Variants in HERC2 observed in about 807,000 individuals in gnomAD.
HERC2 encodes the protein HECT and RLD domain containing E3 ubiquitin protein ligase 2.
In HERC2, 102 loss-of-function variants were observed where a neutral mutation model predicts 537.7. That is an observed-to-expected ratio of 0.19 (90% CI 0.16 to 0.22). The LOEUF (loss-of-function observed/expected upper bound fraction) is 0.22. Ranked by LOEUF, HERC2 falls within the 10% of genes least tolerant of loss-of-function variation. The pLI is 1.00. For synonymous variants in HERC2, 2,224 were observed against 2,466.2 expected, an observed-to-expected ratio of 0.90 and a Z score of 2.91; for missense variants, 4,236 against 6,198.2, an observed-to-expected ratio of 0.68 and a Z score of 10.63.
rs752780957 is a variant in HERC2 at position 28,260,884 on chromosome 15, C to T, written c.2209G>A (p.Asp737Asn). The T allele has an allele frequency of 1.9e-6, 3 of 1,614,200 alleles. No homozygotes were observed. The highest frequency in any genetic ancestry group is 1.7e-5 in the Admixed American group (1 of 60,030). ...AAGGTGTCAAAGTGCTGGCACTGGT[C>T]GTTGCTCCCCCAGCTGTGGACCTCG... ...DSEVHSWGSN[D>N]QCQHFDTLRV... The change falls in exon 16 of 93, where the codon GAC becomes AAC. Residue 737 changes from aspartate to asparagine, a missense_variant. This residue lies in a region of HERC2 where 754 missense variants were observed against 1,085.0 expected (regional missense o/e 0.69). Transcript: ENST00000261609.
chr15:28,218,542 G>A lies in HERC2; in HGVS notation c.5975C>T (p.Thr1992Ile). 1 of 1,597,822 alleles carries A rather than the reference G, an allele frequency of 6.3e-7. No individual in the cohort carries two copies. The highest frequency in any genetic ancestry group is 2.2e-5 in the East Asian group (1 of 44,874). Residue 1992 changes from threonine (T) to isoleucine (I), a missense_variant, in exon 38 of 93, where the codon ACT becomes ATT. Physicochemically the swap from Thr to Ile is moderately conservative, Grantham distance 89. This residue lies in a region of HERC2 where 365 missense variants were observed against 468.8 expected (regional missense o/e 0.78). Coordinates refer to ENST00000261609, the MANE Select transcript of HERC2 (RefSeq NM_004667.6). Reference sequence around the variant, plus strand: ...TAACATTCGCAGCAGTCCGCATAAAGTCTTGGTGGCTTCGCTCTGCATGAT... The same window carrying A: ...TAACATTCGCAGCAGTCCGCATAAAATCTTGGTGGCTTCGCTCTGCATGAT... ...AEIMQSEATK[T>I]LCGLLRMLVE...
intron 21 of HERC2, among the ~76,000 whole-genome samples, chr15:28,247,202 C>T (rs1490044312): frequency 6.6e-6 from 1 of 151,854 alleles, no homozygotes; most frequent in Non-Finnish European, 1.5e-5. Flanking sequence ...CACCATGTTG[C>T]CCAGATTGGA....
chr15:28,175,402 C>A (rs1895174883), intron 64 of HERC2, 110 bp downstream of exon 64: 2 of 1,067,212 alleles, frequency 1.9e-6, no homozygotes, highest in Admixed American at 2.1e-5. Context: ...CAGTAAGACT[C>A]AGCTGATTTC....
chr15:28,166,839 C>G (rs1894190586), intron 68 of HERC2, among the ~76,000 whole-genome samples: 1 of 152,082 alleles, frequency 6.6e-6, no homozygotes, highest in Non-Finnish European at 1.5e-5. Flanking sequence ...TCCCAATAAC[C>G]AAGTCCAGGA....
intron 2 of HERC2, among the ~76,000 whole-genome samples, chr15:28,308,900 G>T (rs1032841709): frequency 6.6e-6 from 1 of 152,154 alleles, no homozygotes; most frequent in Non-Finnish European, 1.5e-5. Flanking sequence ...AACCCCACTT[G>T]GTCACAATGA....
At chr15:28,290,980 C>T (rs1364869915) in intron 4 of HERC2, among the ~76,000 whole-genome samples, 1 of 152,018 alleles carries the variant, frequency 6.6e-6, no homozygotes, top group Non-Finnish European at 1.5e-5. Flanking sequence ...AAGCAGAAAT[C>T]AATGAAAAAG....
At chr15:28,247,521 T>C (rs1903836532) in intron 21 of HERC2, among the ~76,000 whole-genome samples, 1 of 147,040 alleles carries the variant, frequency 6.8e-6, no homozygotes, top group Non-Finnish European at 1.5e-5. Context: ...CTCCGCCTCC[T>C]GGGTTCAAGC....
intron 71 of HERC2, among the ~76,000 whole-genome samples, chr15:28,145,641 G>A (rs946540202): frequency 6.6e-5 from 10 of 152,206 alleles, no homozygotes; most frequent in African/African-American, 2.4e-4. Flanking sequence ...TGTTATGACA[G>A]AGGCTGCATT....
At chr15:28,260,710 A>G in intron 16 of HERC2, 67 bp downstream of exon 16, 3 of 1,309,956 alleles carry the variant, frequency 2.3e-6, no homozygotes, top group Non-Finnish European at 3.2e-6. Flanking sequence ...TATTTTCTAC[A>G]TACTGGTAAT....
chr15:28,198,979 T>G (rs1213015593), intron 48 of HERC2, among the ~76,000 whole-genome samples: 2 of 152,052 alleles, frequency 1.3e-5, no homozygotes, highest in African/African-American at 4.8e-5. Flanking sequence ...GAAACCCACC[T>G]CTACCAAAAA....
At chr15:28,233,818 G>A in intron 27 of HERC2, 22 bp from the exon 28 acceptor site, 1 of 1,611,830 alleles carries the variant, frequency 6.2e-7, no homozygotes, top group South Asian at 1.1e-5. Flanking sequence ...ACAGCTGGAA[G>A]TAACTTCAGA....
intron 3 of HERC2, among the ~76,000 whole-genome samples, chr15:28,295,361 C>T (rs1464442552): frequency 1.3e-5 from 2 of 151,358 alleles, no homozygotes; most frequent in Non-Finnish European, 2.9e-5. Context: ...CCACAGCCCA[C>T]AGGACAAACC....
intron 2 of HERC2, chr15:28,316,125 A>C (rs2077075908): frequency 3.3e-6 from 1 of 299,998 alleles, no homozygotes; most frequent in Non-Finnish European, 6.5e-6. Context: ...TAGGAGGCTG[A>C]GGCATGAGAA....
At chr15:28,154,979 T>C (rs924305433) in intron 69 of HERC2, among the ~76,000 whole-genome samples, 2 of 142,808 alleles carry the variant, frequency 1.4e-5, no homozygotes, top group African/African-American at 5.2e-5. Context: ...AGTGTTCTCA[T>C]TGTTCAATTC....
At chr15:28,317,764 A>G (rs1473068400) in intron 2 of HERC2, among the ~76,000 whole-genome samples, 2 of 152,214 alleles carry the variant, frequency 1.3e-5, no homozygotes, top group Non-Finnish European at 1.5e-5. Context: ...AGAACTACGC[A>G]CACACATTGT....
At chr15:28,263,786 C>A (rs1416628516) in intron 14 of HERC2, among the ~76,000 whole-genome samples, 3 of 152,108 alleles carry the variant, frequency 2.0e-5, no homozygotes, top group African/African-American at 4.8e-5. Flanking sequence ...AATCCCAGAA[C>A]TTTGGGAGGC....
chr15:28,214,851 G>A (rs760739162), intron 39 of HERC2, 49 bp from the exon 40 acceptor site: 3 of 1,421,416 alleles, frequency 2.1e-6, no homozygotes, highest in Non-Finnish European at 2.9e-6. Flanking sequence ...AATCTGATGA[G>A]GAAACTACAG....
rs766053722 is a variant in HERC2 at position 28,111,661 on chromosome 15, G to A, written c.*102C>T. ...CCCTCCTCCCGCCTGGCTCGAGGAC[G>A]GACGCTTCTCATCAGACACACCAGG... is the stretch of plus-strand genomic sequence containing the variant. On this transcript the variant is annotated 3_prime_UTR_variant, in exon 93 of 93. Coordinates refer to ENST00000261609, the MANE Select transcript of HERC2 (RefSeq NM_004667.6). The A allele has an allele frequency of 6.1e-5, 79 of 1,288,776 alleles. No individual in the cohort carries two copies. The highest frequency in any genetic ancestry group is 8.0e-5 in the Non-Finnish European group (74 of 921,016). 79.8% of individuals were successfully genotyped at this position (1,288,776 alleles called of 1,614,324 possible). A position where few individuals can be genotyped will look rare whatever the true frequency, so the allele number is the denominator to read the frequency against.
chr15:28,151,267 CAGA>C (rs1474926586), intron 70 of HERC2, among the ~76,000 whole-genome samples: 3 of 152,060 alleles, frequency 2.0e-5, no homozygotes, highest in Non-Finnish European at 2.9e-5. Flanking sequence ...ACAGATGTAA[CAGA>C]AGAAGTACAG....
Sources: gnomAD v4.1 joint callset for allele counts (sites outside exome capture counted in the v4.1 genomes callset) on GRCh38, gnomAD v4.1.1 for gene constraint, gnomAD v4.1.1 regional missense constraint, MANE v1.5 for transcripts, NCBI Gene and HGNC (gene_info 2026-07-23, HGNC 2026-07-21) for gene names.